Variants in CEP135 observed in about 807,000 individuals in gnomAD.
CEP135 encodes the protein centrosomal protein 135, also known as centrosomal protein of 135 kDa.
A neutral mutation model predicts 157.3 loss-of-function variants in CEP135; 142 were observed. The observed-to-expected ratio is 0.90, with a 90% confidence interval of 0.79 to 1.04. CEP135 has a LOEUF of 1.04. CEP135 is among the 50% of genes least tolerant of loss of function. The probability of loss-of-function intolerance (pLI) is 0.00; values close to 1 mark genes in which losing one functional copy is unlikely to be tolerated. For missense variants in CEP135, 1,317 were observed against 1,309.2 expected (o/e 1.01, Z -0.09); for synonymous variants, 396 against 439.8 (o/e 0.90, Z 1.25).
chr4:56,006,196 C>T (rs1298625210), intron 17 of CEP135, among the ~76,000 whole-genome samples: 1 of 152,114 alleles, frequency 6.6e-6, no homozygotes, highest in Non-Finnish European at 1.5e-5. Flanking sequence ...TGCTCAACTC[C>T]CTCTTGAACA....
intron 7 of CEP135, 142 bp downstream of exon 7, chr4:55,964,544 GAACC>G (rs1197889340): frequency 1.8e-6 from 1 of 563,924 alleles, no homozygotes; most frequent in African/African-American, 1.9e-5. Context: ...AAATTTGATA[GAACC>G]ATAGTATCCA....
chr4:55,981,307 G>A lies in CEP135; in HGVS notation c.1707G>A (p.Lys569=), dbSNP rs1729398775. ...ATAATATTGTTAGTCTTATGGAAAA[G>A]GAAAAAGAACTTGCGTTATCTGACT... is the stretch of plus-strand genomic sequence containing the variant. ...APHNIVSLME[K]EKELALSDLR... is the part of the protein sequence containing the mutation. The change falls in exon 13 of 26, where the codon AAG becomes AAA. Residue 569 remains lysine (K), a synonymous_variant. Coordinates refer to ENST00000257287, the MANE Select transcript of CEP135 (RefSeq NM_025009.5). 1.3e-6 allele frequency: 2 copies of A among 1,595,154 alleles called. No homozygotes were observed. The highest frequency in any genetic ancestry group is 1.8e-5 in the Admixed American group (1 of 56,052).
chr4:55,993,488 G>A (rs1198071809), intron 15 of CEP135, among the ~76,000 whole-genome samples: 1 of 152,186 alleles, frequency 6.6e-6, no homozygotes, highest in African/African-American at 2.4e-5. Flanking sequence ...GTTTTGGTAG[G>A]TTAGACCTCA....
intron 2 of CEP135, chr4:55,952,592 C>T (rs1728391133): frequency 5.4e-6 from 1 of 185,302 alleles, no homozygotes; most frequent in African/African-American, 2.3e-5. Flanking sequence ...CAAATACAGT[C>T]ATGGATAGTT....
intron 23 of CEP135, 117 bp downstream of exon 23, chr4:56,019,672 A>C: frequency 6.6e-6 from 5 of 760,574 alleles, no homozygotes; most frequent in Non-Finnish European, 8.2e-6. Flanking sequence ...GCAGTGGCTC[A>C]CACCTGTAAT....
At chr4:55,993,793 G>A (rs1187178623) in intron 15 of CEP135, among the ~76,000 whole-genome samples, 1 of 152,156 alleles carries the variant, frequency 6.6e-6, no homozygotes, top group Non-Finnish European at 1.5e-5. Context: ...GGATAACCTA[G>A]CCTATAGCTC....
intron 17 of CEP135, 121 bp downstream of exon 17, chr4:55,999,766 C>CTTGG: frequency 1.1e-6 from 1 of 916,074 alleles, no homozygotes; most frequent in Non-Finnish European, 1.6e-6. Context: ...GATCACAGCT[C>CTTGG]ACTGCAACCC....
chr4:55,958,973 T>C (rs919062240), intron 5 of CEP135, among the ~76,000 whole-genome samples: 8 of 152,058 alleles, frequency 5.3e-5, no homozygotes, highest in African/African-American at 1.9e-4. Flanking sequence ...TGGTCCCAGG[T>C]ACTTGGGAGG....
chr4:56,017,457 A>G (rs1413674390), intron 21 of CEP135, among the ~76,000 whole-genome samples, 191 bp from the exon 22 acceptor site: 1 of 152,176 alleles, frequency 6.6e-6, no homozygotes, highest in Non-Finnish European at 1.5e-5. Context: ...ATTAATAATT[A>G]TACACAATTC....
rs1381455590 is a variant in CEP135 at position 55,981,333 on chromosome 4, TAAG to T, written c.1739_1741del (p.Arg580del). On this transcript the variant is annotated inframe_deletion, in exon 13 of 26. Coordinates refer to ENST00000257287, the MANE Select transcript of CEP135 (RefSeq NM_025009.5). ...GAAAAAGAACTTGCGTTATCTGACTTAAGAAGAATTATGGCAGAAAAGGAAGCT... is the reference window on the plus strand; with the variant it reads ...GAAAAAGAACTTGCGTTATCTGACTTAAGAATTATGGCAGAAAAGGAAGCT... 1.3e-6 allele frequency: 2 copies of T among 1,592,998 alleles called. No individual in the cohort carries two copies. The highest frequency in any genetic ancestry group is 2.3e-5 in the East Asian group (1 of 43,960).
rs371196044 is a variant in CEP135 at position 55,965,684 on chromosome 4, G to A, written c.869G>A (p.Arg290His). 52 of 1,613,472 alleles carry A rather than the reference G, an allele frequency of 3.2e-5. No individual in the cohort carries two copies. In the African/African-American group the frequency reaches 4.5e-4, roughly 14 times the overall value. ...CAAGCTAATAAAGACCTGGAGAAGCGTATACGAGAGCTTATGGAAACCAAG... is the reference window on the plus strand; with the variant it reads ...CAAGCTAATAAAGACCTGGAGAAGCATATACGAGAGCTTATGGAAACCAAG... ...LQQANKDLEKRIRELMETKET... is the reference protein window; with the variant it reads ...LQQANKDLEKHIRELMETKET... Residue 290 changes from arginine to histidine, a missense_variant, in exon 8 of 26, where the codon CGT (arginine) becomes CAT (histidine). Transcript: ENST00000257287.
At chr4:55,991,079 G>A (rs1486288682) in intron 14 of CEP135, among the ~76,000 whole-genome samples, 11 of 151,838 alleles carry the variant, frequency 7.2e-5, no homozygotes, top group African/African-American at 1.5e-4. Flanking sequence ...GGGTTCAAGC[G>A]ATTCTCCTGC....
chr4:55,949,172 G>T (rs1000977774), intron 1 of CEP135, 113 bp downstream of exon 1: 1 of 152,566 alleles, frequency 6.6e-6, no homozygotes, highest in African/African-American at 2.4e-5. Context: ...GCGCGGCCGC[G>T]GGAGGAAGTG....
chr4:56,012,505 T>A (rs74955186), intron 21 of CEP135, among the ~76,000 whole-genome samples: 3,662 of 152,328 alleles, frequency 0.024, 66 homozygotes, highest in Admixed American at 0.059. Context: ...TTAACTATTT[T>A]TAAGTAGACA....
At chr4:56,024,426 T>G in intron 24 of CEP135, 75 bp from the exon 25 acceptor site, 1 of 980,174 alleles carries the variant, frequency 1.0e-6, no homozygotes, top group Non-Finnish European at 1.6e-6. Context: ...AGCTAATAAC[T>G]CTTATATTTG....
intron 7 of CEP135, chr4:55,965,280 G>A (rs4479769): frequency 0.47 from 76,815 of 163,710 alleles, 18,717 homozygotes; most frequent in African/African-American, 0.6. Flanking sequence ...GCACATCTCA[G>A]TTTACACTAG....
At chr4:56,008,009 G>A (rs931369656) in intron 17 of CEP135, among the ~76,000 whole-genome samples, 1 of 152,032 alleles carries the variant, frequency 6.6e-6, no homozygotes, top group Non-Finnish European at 1.5e-5. Flanking sequence ...CTAAGACCTA[G>A]GGCCATATTT....
At chr4:56,020,641 A>C in intron 23 of CEP135, 35 bp from the exon 24 acceptor site, 1 of 1,570,158 alleles carries the variant, frequency 6.4e-7, no homozygotes. Flanking sequence ...ACAAAACGGA[A>C]CGTTTATTTC....
rs532795667 is a variant in CEP135, at chr4:55,968,573, T to G, written c.1045-490T>G. On this transcript the variant is annotated intron_variant, in intron 8 of 25. Transcript: ENST00000257287. ...CCACCACCTTTTGCATCTTCTATCCTTGTGCACACAGCATGCTAAACACAG... is the reference window on the plus strand; with the variant it reads ...CCACCACCTTTTGCATCTTCTATCCGTGTGCACACAGCATGCTAAACACAG... Among the ~76,000 whole-genome samples the G allele has an allele frequency of 2.7e-5, 4 of 150,912 alleles. No individual in the cohort carries two copies. The South Asian group carries it at 8.3e-4, about 31-fold the overall frequency.
Sources: gnomAD v4.1 joint callset for allele counts (sites outside exome capture counted in the v4.1 genomes callset) on GRCh38, gnomAD v4.1.1 for gene constraint, MANE v1.5 for transcripts, NCBI Gene and HGNC (gene_info 2026-07-23, HGNC 2026-07-21) for gene names.